Variants in MDC1 observed in about 807,000 individuals in gnomAD.
The protein encoded by MDC1 is mediator of DNA damage checkpoint 1.
Under a neutral mutation model 142.5 loss-of-function variants are expected in MDC1, and 81 were observed. The ratio of observed to expected loss-of-function variants is 0.57; its 90% confidence interval spans 0.47 to 0.68. MDC1 has a LOEUF of 0.68. Among genes scored for constraint, MDC1 ranks in the 30% least tolerant of loss-of-function variants. The pLI is 0.00. For synonymous variants in MDC1, 797 were observed against 968.4 expected, an observed-to-expected ratio of 0.82 and a Z score of 3.29; for missense variants, 2,119 against 2,547.9, an observed-to-expected ratio of 0.83 and a Z score of 3.62.
chr6:30,708,348 T>C lies in MDC1; in HGVS notation c.2231A>G (p.Asp744Gly). ...TGTAGCCAGGACCTCCCATGGTTCA[T>C]CTAGGGTACCTGGAAGGGGAGGAAG... ...HCSFQTTGTL[D>G]EPWEVLATQP... The change falls in exon 8 of 15, where the codon GAT (aspartate) becomes GGT (glycine). Residue 744 changes from aspartate to glycine, a missense_variant. Asp to Gly is a moderately conservative substitution (Grantham distance 94). Transcript: ENST00000376406. 1.9e-6 allele frequency: 3 copies of C among 1,608,876 alleles called. No individual in the cohort carries two copies. Among genetic ancestry groups the C allele is most frequent in the Non-Finnish European group, 2.5e-6 (3 of 1,178,962 alleles).
intron 9 of MDC1, among the ~76,000 whole-genome samples, 157 bp downstream of exon 9, chr6:30,707,227 C>T (rs1774027500): frequency 6.6e-6 from 1 of 151,784 alleles, no homozygotes; most frequent in Non-Finnish European, 1.5e-5. Context: ...ACAACGGGTG[C>T]CGAGGATAAA....
At position 30,711,482 on chromosome 6, in the gene MDC1, T is replaced by C. The variant is rs71561393; in HGVS notation, c.2151A>G (p.Glu717=). Residue 717 remains glutamate (E), a synonymous_variant, in exon 7 of 15, where the codon GAA becomes GAG. Transcript: ENST00000376406. ...GLEAVQSMED[E]PTQAFMLTPP... ...GAGTCAACATGAAGGCCTGGGTAGGTTCATCCTCCATGCTCTGGACTGCTG... is the reference window on the plus strand; with the variant it reads ...GAGTCAACATGAAGGCCTGGGTAGGCTCATCCTCCATGCTCTGGACTGCTG... 1.2e-6 allele frequency: 2 copies of C among 1,613,046 alleles called. No homozygotes were observed. Among genetic ancestry groups the C allele is most frequent in the Non-Finnish European group, 8.5e-7 (1 of 1,180,012 alleles).
In MDC1 at chr6:30,703,426, CTGT is replaced by C. The variant is rs1773126722; in HGVS notation, c.5671_5673del (p.Thr1891del). 6.2e-7 allele frequency: 1 copy of C among 1,613,912 alleles called. No individual in the cohort carries two copies. Among genetic ancestry groups the C allele is most frequent in the Non-Finnish European group, 8.5e-7 (1 of 1,180,050 alleles). On this transcript the variant is annotated inframe_deletion, in exon 11 of 15. Coordinates refer to ENST00000376406, the MANE Select transcript of MDC1 (RefSeq NM_014641.3). The surrounding 1 kb of genome is among the most constrained non-coding windows in gnomAD (Gnocchi z 4.4). ...ATGCCTTTGTCTCTTACTTTGGGGG[CTGT>C]TGATTCTTGGTTAAGTTTGGTCCGT... is the stretch of plus-strand genomic sequence containing the variant.
chr6:30,712,370 T>G lies in MDC1; in HGVS notation c.1572A>C (p.Gln524His). Reference protein sequence around the residue: ...QASTTVDINTQVEKEVPPGSA... With the variant: ...QASTTVDINTHVEKEVPPGSA... ...ACCCTGGCGGGACTTCCTTCTCCAC[T>G]TGTGTGTTGATGTCCACTGTGGTGG... Residue 524 changes from glutamine to histidine, a missense_variant, in exon 5 of 15, where the codon CAA (glutamine) becomes CAC (histidine). Transcript: ENST00000376406. The surrounding 1 kb of genome is among the most constrained non-coding windows in gnomAD (Gnocchi z 4.7). 6.2e-7 allele frequency: 1 copy of G among 1,613,110 alleles called. No homozygotes were observed. The highest frequency in any genetic ancestry group is 8.5e-7 in the Non-Finnish European group (1 of 1,180,044).
intron 9 of MDC1, 53 bp downstream of exon 9, chr6:30,707,331 G>A (rs1774044333): frequency 1.4e-5 from 21 of 1,533,306 alleles, no homozygotes; most frequent in Non-Finnish European, 1.9e-5. Context: ...AAGAGCATTG[G>A]AGAAGATATA....
Position 30,705,992 on chromosome 6 carries a change from G to A in MDC1, c.3191C>T (p.Pro1064Leu), listed in dbSNP as rs774126007. 157 of 1,612,398 alleles carry A rather than the reference G, an allele frequency of 9.7e-5. No individual in the cohort carries two copies. The highest frequency in any genetic ancestry group is 1.6e-4 in the Middle Eastern group (1 of 6,080). ...NSQSQKHLAP[P>L]PLLSPLLPSI... Reference sequence around the variant, plus strand: ...AGGTAAAAGGGGAGAAAGAAGGGGCGGAGGTGCAAGATGTTTCTGGCTCTG... The same window carrying A: ...AGGTAAAAGGGGAGAAAGAAGGGGCAGAGGTGCAAGATGTTTCTGGCTCTG... Residue 1064 changes from proline (P) to leucine (L), a missense_variant, in exon 10 of 15, where the codon CCG (proline) becomes CTG (leucine). Pro to Leu is a moderately conservative substitution (Grantham distance 98, BLOSUM62 -3). Coordinates refer to ENST00000376406, the MANE Select transcript of MDC1 (RefSeq NM_014641.3).
Position 30,707,958 on chromosome 6 carries a change from G to T in MDC1, c.2621C>A (p.Ser874Tyr), listed in dbSNP as rs1240572655. 1.9e-6 allele frequency: 3 copies of T among 1,612,982 alleles called. No individual in the cohort carries two copies. The highest frequency in any genetic ancestry group is 2.5e-6 in the Non-Finnish European group (3 of 1,180,014). Reference sequence around the variant, plus strand: ...ACTTGCACTTTCCCCATTTTTGTCAGATTCTTGTCTCTGGGTGTCTCTAGC... The same window carrying T: ...ACTTGCACTTTCCCCATTTTTGTCATATTCTTGTCTCTGGGTGTCTCTAGC... ...LLARDTQRQE[S>Y]DKNGESASPE... Residue 874 changes from serine to tyrosine, a missense_variant, in exon 8 of 15, where the codon TCT (serine) becomes TAT (tyrosine). By Grantham distance (144) the Ser-to-Tyr change is moderately radical. Coordinates refer to ENST00000376406, the MANE Select transcript of MDC1 (RefSeq NM_014641.3).
rs753949718 is a variant in MDC1, at chr6:30,704,387, C to T, written c.4796G>A (p.Cys1599Tyr). 3.7e-6 allele frequency: 6 copies of T among 1,612,322 alleles called. No homozygotes were observed. The highest frequency in any genetic ancestry group is 5.1e-6 in the Non-Finnish European group (6 of 1,179,542). ...TPEPTSRATR[C>Y]RTNRSSVKTP... ...CTTGACAGAGGACCTATTTGTCCTGCACCTAGTGGCCCGAGATGTGGGCTC... is the reference window on the plus strand; with the variant it reads ...CTTGACAGAGGACCTATTTGTCCTGTACCTAGTGGCCCGAGATGTGGGCTC... Residue 1599 changes from cysteine (C) to tyrosine (Y), a missense_variant, in exon 10 of 15, where the codon TGC becomes TAC. Cys to Tyr is a radical substitution (Grantham distance 194). Coordinates refer to ENST00000376406, the MANE Select transcript of MDC1 (RefSeq NM_014641.3).
In MDC1 at chr6:30,712,664, T is replaced by C; in HGVS notation, c.1278A>G (p.Ile426Met). 6.2e-7 allele frequency: 1 copy of C among 1,613,048 alleles called. No individual in the cohort carries two copies. The highest frequency in any genetic ancestry group is 8.5e-7 in the Non-Finnish European group (1 of 1,180,012). Residue 426 changes from isoleucine (I) to methionine (M), a missense_variant, in exon 5 of 15, where the codon ATA becomes ATG. Physicochemically the swap from Ile to Met is conservative, Grantham distance 10. Transcript: ENST00000376406. The surrounding 1 kb of genome is among the most constrained non-coding windows in gnomAD (Gnocchi z 4.7). ...LAHLKESQPA[I>M]WNRDAEEDMP... ...TGTCCTCTTCTGCATCTCTGTTCCA[T>C]ATAGCAGGCTGGCTCTCTTTCAGAT...
At position 30,703,754 on chromosome 6, in the gene MDC1, C is replaced by G; in HGVS notation, c.5429G>C (p.Ser1810Thr). 6.5e-7 allele frequency: 1 copy of G among 1,549,088 alleles called. No homozygotes were observed. The highest frequency in any genetic ancestry group is 8.7e-7 in the Non-Finnish European group (1 of 1,151,920). Reference sequence around the variant, plus strand: ...CATGGTAGCTAAAGACCTCTTGCGGCTTTGAGAGGCCTTAGGCTGGAGCTC... The same window carrying G: ...CATGGTAGCTAAAGACCTCTTGCGGGTTTGAGAGGCCTTAGGCTGGAGCTC... ...TPELQPKASQ[S>T]RKRSLATMDS... The change falls in exon 10 of 15, where the codon AGC (serine) becomes ACC (threonine). Residue 1810 changes from serine (S) to threonine (T), a missense_variant. Ser to Thr is a moderately conservative substitution (Grantham distance 58, BLOSUM62 1). Coordinates refer to ENST00000376406, the MANE Select transcript of MDC1 (RefSeq NM_014641.3). The surrounding 1 kb of genome is among the most constrained non-coding windows in gnomAD (Gnocchi z 4.4).
chr6:30,715,271 T>C lies in MDC1; in HGVS notation c.-3-93A>G. The C allele has an allele frequency of 7.4e-7, 1 of 1,354,574 alleles. No homozygotes were observed. Among genetic ancestry groups the C allele is most frequent in the Non-Finnish European group, 1.1e-6 (1 of 951,308 alleles). 83.9% of individuals were successfully genotyped at this position (1,354,574 alleles called of 1,614,324 possible). On this transcript the variant is annotated intron_variant, in intron 1 of 14. Transcript: ENST00000376406. The surrounding 1 kb of genome is among the most constrained non-coding windows in gnomAD (Gnocchi z 4.1). ...ACTGAAAACTAGGGGGTAAACTGGA[T>C]CATTATGAACGTTGATGCTTCTCTT...
At position 30,714,251 on chromosome 6, in the gene MDC1, A is replaced by G. The variant is rs1026949127; in HGVS notation, c.137-68T>C. The G allele has an allele frequency of 5.4e-6, 8 of 1,492,794 alleles. 1 individual carries two copies. Among genetic ancestry groups the G allele is most frequent in the South Asian group, 3.9e-5 (3 of 77,480 alleles). The allele number at this position is 1,492,794 out of a possible 1,614,324, so 92.5% of individuals were successfully genotyped here. ...GGCCTGTCATTAGGAAAAAGTGCCT[A>G]TTAGGTACTCTACTACTCACTCAAG... On this transcript the variant is annotated intron_variant, in intron 2 of 14. Coordinates refer to ENST00000376406, the MANE Select transcript of MDC1 (RefSeq NM_014641.3).
In MDC1 at chr6:30,711,412, C is replaced by T. The variant is rs1406695154; in HGVS notation, c.2221G>A (p.Gly741Ser). ...CAGAGGAGGGAAGAGTTTCTTATAC[C>T]TGTTGTCTGGAAGCTGCAATGGGAA... ...GPSHCSFQTT[G>S]TLDEPWEVLA... The change falls in exon 7 of 15, where the codon GGT (glycine) becomes AGT (serine). Residue 741 changes from glycine to serine, a missense_variant and splice_region_variant. By Grantham distance (56) the Gly-to-Ser change is moderately conservative (BLOSUM62 0). Transcript: ENST00000376406. 6.2e-7 allele frequency: 1 copy of T among 1,612,512 alleles called. No homozygotes were observed. The highest frequency in any genetic ancestry group is 1.7e-5 in the Admixed American group (1 of 60,002).
At position 30,706,112 on chromosome 6, in the gene MDC1, G is replaced by C; in HGVS notation, c.3085-14C>G. 1 of 1,543,640 alleles carries C rather than the reference G, an allele frequency of 6.5e-7. No homozygotes were observed. The highest frequency in any genetic ancestry group is 8.7e-7 in the Non-Finnish European group (1 of 1,154,408). The stretch of plus-strand genomic sequence containing the variant: ...TTCCTGATCGCCCTAGGGAGAAACA[G>C]AAGCAAGTGAGGGGGAGGAGGTGGA... On this transcript the variant is annotated splice_polypyrimidine_tract_variant and intron_variant, in intron 9 of 14. Transcript: ENST00000376406.
chr6:30,708,229 C>A lies in MDC1; in HGVS notation c.2350G>T (p.Ala784Ser), dbSNP rs142090899. 20 of 1,612,958 alleles carry A rather than the reference C, an allele frequency of 1.2e-5. No homozygotes were observed. Among genetic ancestry groups the A allele is most frequent in the Non-Finnish European group, 1.4e-5 (17 of 1,180,026 alleles). ...AYGPCLSPPR[A>S]IPGDQHPESP... Reference sequence around the variant, plus strand: ...TCTGGATGTTGGTCTCCTGGTATTGCCCTAGGTGGAGACAGGCAAGGTCCA... The same window carrying A: ...TCTGGATGTTGGTCTCCTGGTATTGACCTAGGTGGAGACAGGCAAGGTCCA... The change falls in exon 8 of 15, where the codon GCA becomes TCA. Residue 784 changes from alanine (A) to serine (S), a missense_variant. Coordinates refer to ENST00000376406, the MANE Select transcript of MDC1 (RefSeq NM_014641.3).
intron 7 of MDC1, among the ~76,000 whole-genome samples, chr6:30,711,107 G>T (rs1292231683): frequency 6.6e-6 from 1 of 152,248 alleles, no homozygotes; most frequent in Non-Finnish European, 1.5e-5. Flanking sequence ...GGGCGCAGTG[G>T]CTTACGCCTG....
At position 30,716,987 on chromosome 6, in the gene MDC1, T is replaced by G; in HGVS notation, c.-4+258A>C. On this transcript the variant is annotated intron_variant, in intron 1 of 14. Coordinates refer to ENST00000376406, the MANE Select transcript of MDC1 (RefSeq NM_014641.3). This position sits in a 1 kb window ranked among gnomAD's most constrained non-coding sequence, Gnocchi z 4.4. ...CTTTATGACAGGCCAACTCAGCGGG[T>G]GCCCACCACGCTTGGCTCCAATTCA... is the stretch of plus-strand genomic sequence containing the variant. 3 of 868,062 alleles carry G rather than the reference T, an allele frequency of 3.5e-6. No individual in the cohort carries two copies. The highest frequency in any genetic ancestry group is 4.1e-6 in the Non-Finnish European group (3 of 723,056). 53.8% of individuals were successfully genotyped at this position (868,062 alleles called of 1,614,324 possible). A position where few individuals can be genotyped will look rare whatever the true frequency, so the allele number is the denominator to read the frequency against.
At chr6:30,701,190 CAA>C (rs1772614623) in intron 14 of MDC1, among the ~76,000 whole-genome samples, 1 of 151,862 alleles carries the variant, frequency 6.6e-6, no homozygotes, top group Admixed American at 6.6e-5. Context: ...ATCACGAGGT[CAA>C]GAGATCGAGA....
rs751203082 is a variant in MDC1 at position 30,705,779 on chromosome 6, T to A, written c.3404A>T (p.Gln1135Leu). The change falls in exon 10 of 15, where the codon CAG (glutamine) becomes CTG (leucine). Residue 1135 changes from glutamine to leucine, a missense_variant. Coordinates refer to ENST00000376406, the MANE Select transcript of MDC1 (RefSeq NM_014641.3). ...PEPHPSTSTA[Q>L]PVTPKPTSQA... ...AGATGTGGGCTTGGGAGTGACTGGCTGGGCTGTGGAGGTGGAAGGGTGGGG... is the reference window on the plus strand; with the variant it reads ...AGATGTGGGCTTGGGAGTGACTGGCAGGGCTGTGGAGGTGGAAGGGTGGGG... 8.7e-6 allele frequency: 14 copies of A among 1,612,776 alleles called. 1 individual carries two copies. Among genetic ancestry groups the A allele is most frequent in the African/African-American group, 8.0e-5 (6 of 74,758 alleles).
Sources: allele counts gnomAD v4.1 joint callset (sites outside exome capture counted in the v4.1 genomes callset), GRCh38; gene constraint gnomAD v4.1.1; non-coding constraint Gnocchi (gnomAD v3.1); transcripts MANE v1.5; gene names NCBI Gene and HGNC (gene_info 2026-07-23, HGNC 2026-07-21).